The following TLN1 variants were observed in gnomAD, a reference collection of about 807,000 sequenced individuals.
TLN1 encodes the protein talin-1.
In TLN1, 56 loss-of-function variants were observed where a neutral mutation model predicts 292.3. The ratio of observed to expected loss-of-function variants is 0.19; its 90% CI spans 0.15 to 0.24. TLN1 has a LOEUF of 0.24. Ranked by LOEUF, TLN1 falls within the 10% of genes least tolerant of loss-of-function variation. The probability of loss-of-function intolerance (pLI) is 1.00; values close to 1 mark genes in which losing one functional copy is unlikely to be tolerated. For synonymous variants in TLN1, 1,119 were observed against 1,253.7 expected (o/e 0.89, Z 2.27); for missense variants, 2,433 against 3,248.2 (o/e 0.75, Z 6.10).
chr9:35,713,152 C>A (rs781436836), intron 26 of TLN1, 44 bp downstream of exon 26: 28 of 1,579,556 alleles, frequency 1.8e-5, no homozygotes, highest in African/African-American at 4.0e-5. Context: ...CATTTTCCTA[C>A]CTCCCTCACA....
chr9:35,726,593 G>C (rs1027889568), intron 1 of TLN1, among the ~76,000 whole-genome samples: 5 of 152,148 alleles, frequency 3.3e-5, no homozygotes, highest in African/African-American at 1.2e-4. Context: ...ACAAACTCTA[G>C]CTAGCCTGGC....
At chr9:35,708,020 A>G in intron 34 of TLN1, 128 bp from the exon 35 acceptor site, 1 of 1,128,186 alleles carries the variant, frequency 8.9e-7, no homozygotes, top group Non-Finnish European at 1.3e-6. Context: ...TAACAGAGTC[A>G]CCTGAAAAGT....
rs118018083 is a variant in TLN1 at position 35,699,664 on chromosome 9, C to T, written c.6769-203G>A. 3.6e-3 allele frequency: 3,533 copies of T among 985,276 alleles called. 6 individuals are homozygous for T. Among genetic ancestry groups the T allele is most frequent in the Non-Finnish European group, 4.0e-3 (3,284 of 829,904 alleles). The allele number at this position is 985,276 out of a possible 1,614,324, so 61.0% of individuals were successfully genotyped here. Reference sequence around the variant, plus strand: ...GAGACAGTGGGGCTGTGTCACTCACCGGCTGACAAGGAGCAAGGAGAATGA... The same window carrying T: ...GAGACAGTGGGGCTGTGTCACTCACTGGCTGACAAGGAGCAAGGAGAATGA... On this transcript the variant is annotated intron_variant, in intron 50 of 56. Coordinates refer to ENST00000314888, the MANE Select transcript of TLN1 (RefSeq NM_006289.4). This position sits in a 1 kb window ranked among gnomAD's most constrained non-coding sequence, Gnocchi z 4.0.
At position 35,707,452 on chromosome 9, in the gene TLN1, G is replaced by C; in HGVS notation, c.4669C>G (p.Gln1557Glu). ...AGAGGGGCTGTTGCTGCTCGGCACT[G>C]GGCACGGTTCTCCTCTGTGAAGGCC... Reference protein sequence around the residue: ...DGAFTEENRAQCRAATAPLLE... With the variant: ...DGAFTEENRAECRAATAPLLE... Residue 1557 changes from glutamine (Q) to glutamate (E), a missense_variant, in exon 36 of 57, where the codon CAG becomes GAG. Coordinates refer to ENST00000314888, the MANE Select transcript of TLN1 (RefSeq NM_006289.4). The surrounding 1 kb of genome is among the most constrained non-coding windows in gnomAD (Gnocchi z 5.6). 1 of 1,614,128 alleles carries C rather than the reference G, an allele frequency of 6.2e-7. No homozygotes were observed. The highest frequency in any genetic ancestry group is 8.5e-7 in the Non-Finnish European group (1 of 1,180,018).
intron 1 of TLN1, among the ~76,000 whole-genome samples, chr9:35,730,844 A>G (rs1221003311): frequency 6.6e-6 from 1 of 152,152 alleles, no homozygotes; most frequent in African/African-American, 2.4e-5. Context: ...CAGGGGATTC[A>G]GTTATTCCCT....
Position 35,704,058 on chromosome 9 carries a change from A to G in TLN1, c.6164T>C (p.Ile2055Thr). The G allele has an allele frequency of 6.2e-7, 1 of 1,613,846 alleles. No homozygotes were observed. ...AQAAQSSVAT[I>T]TRLADVVKLG... Reference sequence around the variant, plus strand: ...CTTGACCACATCAGCGAGGCGGGTGATGGTCGCCACGGAGGACTGGGCAGC... The same window carrying G: ...CTTGACCACATCAGCGAGGCGGGTGGTGGTCGCCACGGAGGACTGGGCAGC... Residue 2055 changes from isoleucine (I) to threonine (T), a missense_variant, in exon 46 of 57, where the codon ATC (isoleucine) becomes ACC (threonine). Physicochemically the swap from Ile to Thr is moderately conservative, Grantham distance 89. This residue lies in a region of TLN1 where 1,384 missense variants were observed against 1,699.6 expected (regional missense o/e 0.81). Transcript: ENST00000314888. This position sits in a 1 kb window ranked among gnomAD's most constrained non-coding sequence, Gnocchi z 6.9.
In TLN1 at chr9:35,704,142, A is replaced by C. The variant is rs1217747118; in HGVS notation, c.6080T>G (p.Val2027Gly). ...EGILKTAKVL[V>G]EDTKVLVQNA... ...TTGCACCAGGACCTTGGTGTCCTCC[A>C]CCAGCACCTTCGCAGTCTTCAGGAT... The change falls in exon 46 of 57, where the codon GTG becomes GGG. Residue 2027 changes from valine to glycine, a missense_variant. By Grantham distance (109) the Val-to-Gly change is moderately radical (BLOSUM62 -3). This residue lies in a region of TLN1 where 1,384 missense variants were observed against 1,699.6 expected (regional missense o/e 0.81). Coordinates refer to ENST00000314888, the MANE Select transcript of TLN1 (RefSeq NM_006289.4). This position sits in a 1 kb window ranked among gnomAD's most constrained non-coding sequence, Gnocchi z 6.9. 1 of 1,609,892 alleles carries C rather than the reference A, an allele frequency of 6.2e-7. No individual in the cohort carries two copies. The highest frequency in any genetic ancestry group is 8.5e-7 in the Non-Finnish European group (1 of 1,177,642).
rs528869277 is a variant in TLN1, at chr9:35,697,656, G to A, written c.*135C>T. 2.2e-5 allele frequency: 29 copies of A among 1,344,820 alleles called. No individual in the cohort carries two copies. The African/African-American group carries it at 3.6e-4, about 17-fold the overall frequency. The allele number at this position is 1,344,820 out of a possible 1,614,324, so 83.3% of individuals were successfully genotyped here. ...GGGGATGTACTGCGGGACTGGGCGGGGCCAGGCCCTGGGGTTTGGCAGGCA... is the reference window on the plus strand; with the variant it reads ...GGGGATGTACTGCGGGACTGGGCGGAGCCAGGCCCTGGGGTTTGGCAGGCA... On this transcript the variant is annotated 3_prime_UTR_variant, in exon 57 of 57. Transcript: ENST00000314888.
At chr9:35,716,971 G>T (rs922870838) in intron 19 of TLN1, among the ~76,000 whole-genome samples, 175 bp downstream of exon 19, 5 of 152,180 alleles carry the variant, frequency 3.3e-5, no homozygotes, top group Non-Finnish European at 7.4e-5. Flanking sequence ...TTTTACAGAA[G>T]GGGAAGCAGA....
chr9:35,722,724 G>A, intron 8 of TLN1, 137 bp downstream of exon 8: 1 of 790,148 alleles, frequency 1.3e-6, no homozygotes, highest in Non-Finnish European at 2.2e-6. Context: ...TCTTGGCAGA[G>A]GTGAGGTGGG....
At position 35,719,762 on chromosome 9, in the gene TLN1, A is replaced by G; in HGVS notation, c.1556T>C (p.Leu519Pro). Residue 519 changes from leucine to proline, a missense_variant, in exon 14 of 57, where the codon CTG becomes CCG. Leu to Pro is a moderately conservative substitution (Grantham distance 98). Coordinates refer to ENST00000314888, the MANE Select transcript of TLN1 (RefSeq NM_006289.4). The surrounding 1 kb of genome is among the most constrained non-coding windows in gnomAD (Gnocchi z 4.6). ...AQATLDDFDT[L>P]PPLGQDAASK... Reference sequence around the variant, plus strand: ...TACAGCATCCTGGCCAAGAGGCGGCAGAGTGTCAAAGTCATCCAGGGTGGC... The same window carrying G: ...TACAGCATCCTGGCCAAGAGGCGGCGGAGTGTCAAAGTCATCCAGGGTGGC... 6.2e-7 allele frequency: 1 copy of G among 1,608,688 alleles called. No homozygotes were observed.
Position 35,718,693 on chromosome 9 carries a change from T to G in TLN1, c.1995+119A>C, listed in dbSNP as rs41305298. ...AGTTACTAGTATCATCCCCTGGAAA[T>G]AGAGGTTCAGATTGGTTTTTAGGGG... On this transcript the variant is annotated intron_variant, in intron 17 of 56. Transcript: ENST00000314888. 6.7e-3 allele frequency: 5,136 copies of G among 765,024 alleles called. 23 individuals are homozygous for G. The highest frequency in any genetic ancestry group is 0.018 in the Middle Eastern group (76 of 4,206). 47.4% of individuals were successfully genotyped at this position (765,024 alleles called of 1,614,324 possible).
rs1825396321 is a variant in TLN1 at position 35,698,006 on chromosome 9, T to G, written c.7500+38A>C. The G allele has an allele frequency of 6.2e-7, 1 of 1,614,102 alleles. No individual in the cohort carries two copies. Among genetic ancestry groups the G allele is most frequent in the Non-Finnish European group, 8.5e-7 (1 of 1,179,994 alleles). On this transcript the variant is annotated intron_variant, in intron 56 of 56. Coordinates refer to ENST00000314888, the MANE Select transcript of TLN1 (RefSeq NM_006289.4). The surrounding 1 kb of genome is among the most constrained non-coding windows in gnomAD (Gnocchi z 5.3). ...ACCAGCGCAGGCAACATGACTGCCC[T>G]CCTGACAGCGTCCCTCAGCATCTGG...
In TLN1 at chr9:35,716,442, C is replaced by T. The variant is rs1161284535; in HGVS notation, c.2573G>A (p.Ser858Asn). ...GGCATCAGCTAGGATCTTGGCAGCA[C>T]TTAAGAGCTTGCGGGAGTTCTCCAG... ...SDLENSRKLLSAAKILADATA... is the reference protein window; with the variant it reads ...SDLENSRKLLNAAKILADATA... Residue 858 changes from serine to asparagine, a missense_variant, in exon 20 of 57, where the codon AGT becomes AAT. Ser to Asn is a conservative substitution (Grantham distance 46). Coordinates refer to ENST00000314888, the MANE Select transcript of TLN1 (RefSeq NM_006289.4). 1.2e-6 allele frequency: 2 copies of T among 1,614,212 alleles called. No homozygotes were observed. Among genetic ancestry groups the T allele is most frequent in the Non-Finnish European group, 1.7e-6 (2 of 1,180,036 alleles).
chr9:35,725,955 C>T (rs1384910162), intron 1 of TLN1, among the ~76,000 whole-genome samples: 1 of 152,080 alleles, frequency 6.6e-6, no homozygotes, highest in African/African-American at 2.4e-5. Flanking sequence ...TTCTGTTGCC[C>T]AGGCTAGAGT....
chr9:35,732,024 C>G lies in TLN1; in HGVS notation c.-34+51G>C, dbSNP rs1587994779. The G allele has an allele frequency of 6.5e-6, 1 of 152,842 alleles. No homozygotes were observed. Among genetic ancestry groups the G allele is most frequent in the East Asian group, 1.9e-4 (1 of 5,160 alleles). The allele number at this position is 152,842 out of a possible 1,614,324, so 9.5% of individuals were successfully genotyped here. On this transcript the variant is annotated intron_variant, in intron 1 of 56. Coordinates refer to ENST00000314888, the MANE Select transcript of TLN1 (RefSeq NM_006289.4). The surrounding 1 kb of genome is among the most constrained non-coding windows in gnomAD (Gnocchi z 5.1). ...AGGCAGGGCCCGCCCGCCCCGGGGC[C>G]AGGCCCCGCGGCCCCACCCTAAGGC...
chr9:35,700,299 C>G lies in TLN1; in HGVS notation c.6552G>C (p.Met2184Ile), dbSNP rs781194388. 2.5e-6 allele frequency: 4 copies of G among 1,613,640 alleles called. No individual in the cohort carries two copies. In the Admixed American group the frequency reaches 6.7e-5, roughly 27 times the overall value. Residue 2184 changes from methionine (M) to isoleucine (I), a missense_variant, in exon 49 of 57, where the codon ATG becomes ATC. By Grantham distance (10) the Met-to-Ile change is conservative. Around this residue, in one of 7 missense-constraint regions of TLN1, gnomAD observed 1,384 missense variants for 1,699.6 expected, o/e 0.81. Transcript: ENST00000314888. ...CAGCAGCAACGGCCTTGGCGGTTGC[C>G]ATGGTGATACCCTTGGTCATTCGGA... ...DFIRMTKGIT[M>I]ATAKAVAAGN...
intron 10 of TLN1, 102 bp downstream of exon 10, chr9:35,721,542 TGGAG>T: frequency 2.3e-6 from 3 of 1,277,572 alleles, no homozygotes; most frequent in Non-Finnish European, 1.1e-6. Context: ...CCTTTTTTTC[TGGAG>T]TAATACTCAG....
In TLN1 at chr9:35,724,138, G is replaced by A. The variant is rs1825925951; in HGVS notation, c.654+54C>T. 2 of 1,613,462 alleles carry A rather than the reference G, an allele frequency of 1.2e-6. No homozygotes were observed. ...GTGTGGGTGCAAGGACACGCACACT[G>A]TGCTTCCGAGCCCTCCCTATTCCTG... On this transcript the variant is annotated intron_variant, in intron 6 of 56. Transcript: ENST00000314888. The surrounding 1 kb of genome is among the most constrained non-coding windows in gnomAD (Gnocchi z 4.7).
Sources: allele counts gnomAD v4.1 joint callset (sites outside exome capture counted in the v4.1 genomes callset), GRCh38; gene constraint gnomAD v4.1.1; regional missense constraint gnomAD v4.1.1; non-coding constraint Gnocchi (gnomAD v3.1); transcripts MANE v1.5; gene names NCBI Gene and HGNC (gene_info 2026-07-23, HGNC 2026-07-21).